Variants in SFMBT1 observed in about 807,000 individuals in gnomAD.
SFMBT1 encodes Scm like with four mbt domains 1, also known as scm-like with four MBT domains protein 1.
A neutral mutation model predicts 108.7 loss-of-function variants in SFMBT1; 32 were observed. The observed-to-expected ratio is 0.29, with a 90% CI of 0.22 to 0.40. SFMBT1 has a LOEUF of 0.40. SFMBT1 is among the 10% of genes least tolerant of loss of function. The pLI, the probability that SFMBT1 is intolerant of heterozygous loss-of-function variation, is 1.00. For synonymous variants in SFMBT1, 348 were observed against 369.5 expected, an observed-to-expected ratio of 0.94 and a Z score of 0.67; for missense variants, 816 against 1,059.6, an observed-to-expected ratio of 0.77 and a Z score of 3.19.
intron 1 of SFMBT1, among the ~76,000 whole-genome samples, chr3:53,006,313 C>A (rs1387124519): frequency 6.6e-6 from 1 of 152,080 alleles, no homozygotes; most frequent in Non-Finnish European, 1.5e-5. Flanking sequence ...GGTTAGTTCT[C>A]AGGGGATGTT....
At chr3:52,943,327 C>T (rs994513341) in intron 4 of SFMBT1, 26 bp downstream of exon 4, 120 of 1,613,674 alleles carry the variant, frequency 7.4e-5, no homozygotes, top group Non-Finnish European at 9.6e-5. Flanking sequence ...AATCACGTCA[C>T]GTCTTGATAG....
At chr3:53,038,088 G>A (rs1236312635) in intron 1 of SFMBT1, among the ~76,000 whole-genome samples, 1 of 151,730 alleles carries the variant, frequency 6.6e-6, no homozygotes, top group Non-Finnish European at 1.5e-5. Flanking sequence ...TGGGCAACAA[G>A]AGCAAAACTT....
chr3:52,910,680 G>A (rs1040044407), intron 17 of SFMBT1, among the ~76,000 whole-genome samples: 2 of 152,076 alleles, frequency 1.3e-5, no homozygotes, highest in Admixed American at 1.3e-4. Context: ...GTAGAGACGG[G>A]GTTTCACCAT....
In SFMBT1 at chr3:52,907,574, G is replaced by T; in HGVS notation, c.2066C>A (p.Thr689Asn). 2 of 1,613,664 alleles carry T rather than the reference G, an allele frequency of 1.2e-6. No homozygotes were observed. Among genetic ancestry groups the T allele is most frequent in the Admixed American group, 1.7e-5 (1 of 59,930 alleles). ...KKRSSASVDN[T>N]PAGSPQGSGG... ...TCATACCTGGGGAGAGCCCGCTGGG[G>T]TATTATCAACAGATGCAGAGGAGCG... The change falls in exon 18 of 21, where the codon ACC becomes AAC. Residue 689 changes from threonine (T) to asparagine (N), a missense_variant. Physicochemically the swap from Thr to Asn is moderately conservative, Grantham distance 65. Around this residue, in one of 5 missense-constraint regions of SFMBT1, gnomAD observed 177 missense variants for 182.0 expected, o/e 0.97. Coordinates refer to ENST00000394752, the MANE Select transcript of SFMBT1 (RefSeq NM_016329.4).
chr3:52,931,676 CTACAAA>C (rs2106796373), intron 6 of SFMBT1, among the ~76,000 whole-genome samples: 1 of 152,214 alleles, frequency 6.6e-6, no homozygotes, highest in East Asian at 1.9e-4. Flanking sequence ...CCCATCTCTA[CTACAAA>C]TACAAAAATT....
At chr3:53,012,390 T>C (rs1698972139) in intron 1 of SFMBT1, among the ~76,000 whole-genome samples, 2 of 151,074 alleles carry the variant, frequency 1.3e-5, no homozygotes, top group Admixed American at 6.6e-5. Flanking sequence ...AGAAGTGCCT[T>C]GCAGTGAGTG....
chr3:53,000,127 G>A (rs1248536927), intron 1 of SFMBT1, among the ~76,000 whole-genome samples: 1 of 150,096 alleles, frequency 6.7e-6, no homozygotes, highest in Non-Finnish European at 1.5e-5. Flanking sequence ...CTCCCAAAGT[G>A]CTGGGATTAC....
rs950863722 is a variant in SFMBT1 at position 52,947,309 on chromosome 3, G to A, written c.124-3716C>T. On this transcript the variant is annotated intron_variant, in intron 3 of 20. Coordinates refer to ENST00000394752, the MANE Select transcript of SFMBT1 (RefSeq NM_016329.4). The stretch of plus-strand genomic sequence containing the variant: ...ATTTTCTGTATTTTTAGTAGAGACC[G>A]GGTTTCACCGTGTTGGCCAGGATGG... Among the ~76,000 whole-genome samples, 6 of 151,818 alleles carry A rather than the reference G, an allele frequency of 4.0e-5. No individual in the cohort carries two copies. In the South Asian group the frequency reaches 1.0e-3, roughly 26 times the overall value.
intron 1 of SFMBT1, among the ~76,000 whole-genome samples, chr3:53,034,938 C>G (rs1348838597): frequency 6.6e-6 from 1 of 151,980 alleles, no homozygotes; most frequent in Non-Finnish European, 1.5e-5. Context: ...GACTCTGTCT[C>G]AAAATAATGA....
intron 1 of SFMBT1, among the ~76,000 whole-genome samples, chr3:53,032,300 G>A (rs963399255): frequency 1.3e-5 from 2 of 152,188 alleles, no homozygotes; most frequent in African/African-American, 4.8e-5. Flanking sequence ...AGCCCAGGAG[G>A]CGGAGGCTGC....
At chr3:53,035,365 G>A (rs1699836450) in intron 1 of SFMBT1, among the ~76,000 whole-genome samples, 1 of 152,072 alleles carries the variant, frequency 6.6e-6, no homozygotes, top group Non-Finnish European at 1.5e-5. Flanking sequence ...AGCTCTACTT[G>A]GCCTCAGTGT....
chr3:52,948,239 A>C lies in SFMBT1; in HGVS notation c.124-4646T>G, dbSNP rs142304885. On this transcript the variant is annotated intron_variant, in intron 3 of 20. Coordinates refer to ENST00000394752, the MANE Select transcript of SFMBT1 (RefSeq NM_016329.4). ...ACCAGCACTTTTCCCGACCACTATA[A>C]GTCATCAACTTTGTAATAATCAAGT... Among the ~76,000 whole-genome samples the C allele has an allele frequency of 7.8e-3, 931 of 118,968 alleles. 82 individuals are homozygous for C. The South Asian group carries it at 0.25, about 31-fold the overall frequency. The allele number at this position is 118,968 out of a possible 152,430, so 78.0% of individuals were successfully genotyped here. A position where few individuals can be genotyped will look rare whatever the true frequency, so the allele number is the denominator to read the frequency against.
At chr3:52,993,772 T>G (rs1698218639) in intron 1 of SFMBT1, among the ~76,000 whole-genome samples, 1 of 150,172 alleles carries the variant, frequency 6.7e-6, no homozygotes. Flanking sequence ...TCAATATAAT[T>G]TATGTCAATT....
Position 53,020,413 on chromosome 3 carries a change from C to T in SFMBT1, c.-131+25403G>A, listed in dbSNP as rs541439899. 4.4e-3 allele frequency among the ~76,000 whole-genome samples: 663 copies of T among 150,728 alleles called. 3 individuals carry two copies. Among genetic ancestry groups the T allele is most frequent in the Non-Finnish European group, 7.3e-3 (497 of 67,958 alleles). ...TCAAAACAAACAAACAAAGAAAAAACAAAAATAAAGAAAAAGAAAAAAAGG... is the reference window on the plus strand; with the variant it reads ...TCAAAACAAACAAACAAAGAAAAAATAAAAATAAAGAAAAAGAAAAAAAGG... On this transcript the variant is annotated intron_variant, in intron 1 of 20. Coordinates refer to ENST00000394752, the MANE Select transcript of SFMBT1 (RefSeq NM_016329.4).
intron 1 of SFMBT1, among the ~76,000 whole-genome samples, chr3:52,998,460 A>G (rs1698419228): frequency 6.7e-6 from 1 of 150,366 alleles, no homozygotes; most frequent in African/African-American, 2.4e-5. Flanking sequence ...GGAGAAAGTA[A>G]AGGCTGGGTG....
chr3:53,038,935 C>T (rs1031713078), intron 1 of SFMBT1, among the ~76,000 whole-genome samples: 11 of 152,110 alleles, frequency 7.2e-5, no homozygotes, highest in African/African-American at 9.7e-5. Context: ...CTGTTCTGGA[C>T]GACATGCTTT....
At chr3:52,928,575 TATATATAC>T (rs1194103259) in intron 8 of SFMBT1, 135 of 190,584 alleles carry the variant, frequency 7.1e-4, no homozygotes, top group African/African-American at 3.0e-3. Flanking sequence ...TACATATACA[TATATATAC>T]ATATATACAT....
At chr3:52,912,692 A>G in intron 15 of SFMBT1, 45 bp from the exon 16 acceptor site, 1 of 1,396,256 alleles carries the variant, frequency 7.2e-7, no homozygotes, top group South Asian at 1.2e-5. Context: ...GAAGGAGAAA[A>G]GCAGACCATT....
intron 1 of SFMBT1, among the ~76,000 whole-genome samples, chr3:52,975,522 C>T (rs189145362): frequency 6.6e-6 from 1 of 152,122 alleles, no homozygotes; most frequent in Non-Finnish European, 1.5e-5. Flanking sequence ...GACCTCATCT[C>T]TACGAAAAAT....
Sources: allele counts gnomAD v4.1 joint callset (sites outside exome capture counted in the v4.1 genomes callset), GRCh38; gene constraint gnomAD v4.1.1; regional missense constraint gnomAD v4.1.1; transcripts MANE v1.5; gene names NCBI Gene and HGNC (gene_info 2026-07-23, HGNC 2026-07-21).